Variants in MGAT4D observed in about 807,000 individuals in gnomAD.
MGAT4D encodes MGAT4 family member D, also known as alpha-1,3-mannosyl-glycoprotein 4-beta-N-acetylglucosaminyltransferase-like protein MGAT4D.
A neutral mutation model predicts 15.9 loss-of-function variants in MGAT4D; 34 were observed. The observed-to-expected ratio is 2.14, with a 90% confidence interval of 1.62 to 2.84. MGAT4D has a LOEUF of 2.84. Among genes scored for constraint, MGAT4D ranks in the 30% most tolerant of loss-of-function variants. The pLI, the probability that MGAT4D is intolerant of heterozygous loss-of-function variation, is 0.00. For missense variants in MGAT4D, 327 were observed against 140.2 expected (o/e 2.33, Z -6.73); for synonymous variants, 112 against 48.2 (o/e 2.33, Z -5.49).
intron 10 of MGAT4D, among the ~76,000 whole-genome samples, chr4:140,447,896 C>G (rs373941269): frequency 4.6e-5 from 7 of 152,246 alleles, no homozygotes; most frequent in African/African-American, 1.7e-4. Flanking sequence ...TAAGGCAGGT[C>G]TGGTGGTAAT....
chr4:140,480,025 C>G (rs1732593192), intron 2 of MGAT4D, among the ~76,000 whole-genome samples: 1 of 152,064 alleles, frequency 6.6e-6, no homozygotes, highest in Admixed American at 6.5e-5. Flanking sequence ...TTGTAAACTT[C>G]ATTAGAAGTT....
At chr4:140,463,382 G>A (rs1272389317) in intron 6 of MGAT4D, among the ~76,000 whole-genome samples, 3 of 152,066 alleles carry the variant, frequency 2.0e-5, no homozygotes, top group Non-Finnish European at 4.4e-5. Context: ...GCAGATATGA[G>A]CACAGAAGCC....
chr4:140,467,572 C>G (rs1731624287), intron 5 of MGAT4D, among the ~76,000 whole-genome samples: 1 of 152,114 alleles, frequency 6.6e-6, no homozygotes, highest in South Asian at 2.1e-4. Context: ...TTTATTCAAT[C>G]TGTTTTAAGC....
chr4:140,451,520 G>T lies in MGAT4D; in HGVS notation c.1009-3C>A. On this transcript the variant is annotated splice_polypyrimidine_tract_variant and splice_region_variant and intron_variant, in intron 9 of 10. Transcript: ENST00000511113. ...TTCTTTCGTTTCATACAGTTTCTCT[G>T]GGGAAAAAGAAACAACAATCTTCTG... 1 of 532,714 alleles carries T rather than the reference G, an allele frequency of 1.9e-6. No individual in the cohort carries two copies. The highest frequency in any genetic ancestry group is 3.4e-6 in the Non-Finnish European group (1 of 293,518). 33.0% of individuals were successfully genotyped at this position (532,714 alleles called of 1,614,324 possible).
chr4:140,471,283 CTTCT>C (rs1454599474), intron 5 of MGAT4D, among the ~76,000 whole-genome samples: 1 of 130,578 alleles, frequency 7.7e-6, no homozygotes, highest in African/African-American at 3.0e-5. Context: ...TCCTTCCTTC[CTTCT>C]CTCTCTTTTC....
intron 10 of MGAT4D, among the ~76,000 whole-genome samples, chr4:140,444,591 T>C (rs1393346832): frequency 1.3e-5 from 2 of 152,218 alleles, no homozygotes; most frequent in Non-Finnish European, 2.9e-5. Context: ...ATGGTGTATG[T>C]GTACCACATT....
intron 5 of MGAT4D, among the ~76,000 whole-genome samples, chr4:140,467,649 G>T (rs1352729747): frequency 6.6e-6 from 1 of 152,066 alleles, no homozygotes; most frequent in Non-Finnish European, 1.5e-5. Context: ...AGCTTGTTAG[G>T]TTATTTATAT....
intron 1 of MGAT4D, among the ~76,000 whole-genome samples, chr4:140,484,974 A>G (rs62346876): frequency 6.6e-6 from 1 of 151,144 alleles, no homozygotes; most frequent in African/African-American, 2.4e-5. Flanking sequence ...TAGTTCAACC[A>G]TTGTGGAAGT....
chr4:140,488,855 G>A (rs552437698), intron 1 of MGAT4D, among the ~76,000 whole-genome samples: 1 of 152,030 alleles, frequency 6.6e-6, no homozygotes, highest in Non-Finnish European at 1.5e-5. Context: ...GCACCTCCCT[G>A]CCACTCTCTC....
chr4:140,454,791 A>T (rs1336758015), intron 9 of MGAT4D, among the ~76,000 whole-genome samples: 1 of 152,192 alleles, frequency 6.6e-6, no homozygotes, highest in Non-Finnish European at 1.5e-5. Flanking sequence ...GACTACTCAG[A>T]TTACCAATTT....
chr4:140,496,936 T>C (rs1364524273), intron 1 of MGAT4D, among the ~76,000 whole-genome samples: 1 of 152,216 alleles, frequency 6.6e-6, no homozygotes, highest in Non-Finnish European at 1.5e-5. Flanking sequence ...TGTGCTAAAA[T>C]AGACATTTGG....
chr4:140,466,530 T>A (rs1731541677), intron 5 of MGAT4D, among the ~76,000 whole-genome samples: 1 of 152,156 alleles, frequency 6.6e-6, no homozygotes, highest in South Asian at 2.1e-4. Flanking sequence ...TAAATTACTC[T>A]TGATAAAATT....
chr4:140,442,625 C>G lies in MGAT4D; in HGVS notation c.*811G>C, dbSNP rs986486939. The G allele has an allele frequency of 6.6e-6, 1 of 152,030 alleles. No individual in the cohort carries two copies. The highest frequency in any genetic ancestry group is 2.4e-5 in the African/African-American group (1 of 41,424). The allele number at this position is 152,030 out of a possible 1,614,324, so 9.4% of individuals were successfully genotyped here. On this transcript the variant is annotated 3_prime_UTR_variant, in exon 11 of 11. Coordinates refer to ENST00000511113, the MANE Select transcript of MGAT4D (RefSeq NM_001277353.2). ...AGATATTTTTAAAGCACAAAACCAA[C>G]ACTTTTAAAAACAAATGAATATAAC...
At chr4:140,464,017 A>T (rs145568961) in intron 6 of MGAT4D, among the ~76,000 whole-genome samples, 437 of 152,304 alleles carry the variant, frequency 2.9e-3, no homozygotes, top group African/African-American at 0.01. Context: ...GAGAGATTTT[A>T]AAAAAGAAAC....
chr4:140,465,413 C>T (rs545670006), intron 5 of MGAT4D, among the ~76,000 whole-genome samples: 1 of 152,268 alleles, frequency 6.6e-6, no homozygotes, highest in South Asian at 2.1e-4. Flanking sequence ...CAATGTGGCT[C>T]CTGAAACTAG....
intron 10 of MGAT4D, among the ~76,000 whole-genome samples, chr4:140,450,475 C>T (rs980812548): frequency 1.3e-5 from 2 of 152,194 alleles, no homozygotes; most frequent in Non-Finnish European, 2.9e-5. Flanking sequence ...ATTCCAGGCA[C>T]ATATTTGTCT....
At chr4:140,495,183 CT>C (rs1484721087) in intron 1 of MGAT4D, among the ~76,000 whole-genome samples, 1 of 152,190 alleles carries the variant, frequency 6.6e-6, no homozygotes, top group Non-Finnish European at 1.5e-5. Context: ...TTTGTACTTG[CT>C]TTTCCCTTTG....
intron 2 of MGAT4D, among the ~76,000 whole-genome samples, chr4:140,481,636 A>G (rs2126824430): frequency 6.6e-6 from 1 of 152,352 alleles, no homozygotes; most frequent in Middle Eastern, 3.4e-3. Context: ...TCAGCACTAT[A>G]AACAGAACAA....
chr4:140,453,422 T>C (rs1730596659), intron 9 of MGAT4D, among the ~76,000 whole-genome samples: 1 of 152,046 alleles, frequency 6.6e-6, no homozygotes, highest in South Asian at 2.1e-4. Flanking sequence ...TATTAGCATT[T>C]TAAGGTGTCC....
Sources: allele counts gnomAD v4.1 joint callset (sites outside exome capture counted in the v4.1 genomes callset), GRCh38; gene constraint gnomAD v4.1.1; transcripts MANE v1.5; gene names NCBI Gene and HGNC (gene_info 2026-07-23, HGNC 2026-07-21).